The following CTSO variants were observed in gnomAD, a reference collection of about 807,000 sequenced individuals.
CTSO encodes cathepsin O.
Under a neutral mutation model 42.4 loss-of-function variants are expected in CTSO, and 40 were observed. The ratio of observed to expected loss-of-function variants is 0.94; its 90% CI spans 0.73 to 1.23. The LOEUF is 1.23. Ranked by LOEUF, CTSO falls within the 50% of genes most tolerant of loss-of-function variation. The pLI is 0.00. For missense variants in CTSO, 441 were observed against 396.0 expected, an observed-to-expected ratio of 1.11 and a Z score of -0.96; for synonymous variants, 156 against 146.2, an observed-to-expected ratio of 1.07 and a Z score of -0.48.
Position 155,953,229 on chromosome 4 carries a change from G to A in CTSO, c.135+484C>T, listed in dbSNP as rs148485484. Among the ~76,000 whole-genome samples, 55 of 152,090 alleles carry A rather than the reference G, an allele frequency of 3.6e-4. No individual in the cohort carries two copies. In the East Asian group the frequency reaches 8.5e-3, roughly 24 times the overall value. On this transcript the variant is annotated intron_variant, in intron 1 of 7. Coordinates refer to ENST00000433477, the MANE Select transcript of CTSO (RefSeq NM_001334.3). Reference sequence around the variant, plus strand: ...ATCAGGATTCTTTAATCTGGCTAAAGACAGGCTCTTTGTTTCTAACTTCTG... The same window carrying A: ...ATCAGGATTCTTTAATCTGGCTAAAAACAGGCTCTTTGTTTCTAACTTCTG...
intron 1 of CTSO, among the ~76,000 whole-genome samples, chr4:155,951,559 T>C (rs1305905013): frequency 6.6e-6 from 1 of 152,172 alleles, no homozygotes; most frequent in Non-Finnish European, 1.5e-5. Context: ...TTAACGTGCA[T>C]TCCTGGGAAA....
rs182355063 is a variant in CTSO at position 155,944,921 on chromosome 4, C to T, written c.136-1657G>A. On this transcript the variant is annotated intron_variant, in intron 1 of 7. Coordinates refer to ENST00000433477, the MANE Select transcript of CTSO (RefSeq NM_001334.3). ...CAGATAGCTCTACCTGGACCTCTCC[C>T]TATTAGTTCACAGGAATTGCTCCTG... 5.9e-4 allele frequency among the ~76,000 whole-genome samples: 87 copies of T among 147,806 alleles called. 1 individual carries two copies. Among genetic ancestry groups the T allele is most frequent in the African/African-American group, 2.0e-3 (80 of 40,382 alleles).
rs866795763 is a variant in CTSO, at chr4:155,953,759, G to T, written c.89C>A (p.Thr30Asn). Residue 30 changes from threonine (T) to asparagine (N), a missense_variant, in exon 1 of 8, where the codon ACC becomes AAC. Thr to Asn is a moderately conservative substitution (Grantham distance 65). Coordinates refer to ENST00000433477, the MANE Select transcript of CTSO (RefSeq NM_001334.3). ...GGDADSRAPF[T>N]PTWPRSRERE... Reference sequence around the variant, plus strand: ...CTCGCGGCTCCGCGGCCAGGTCGGGGTGAAGGGGGCGCGGGAGTCCGCATC... The same window carrying T: ...CTCGCGGCTCCGCGGCCAGGTCGGGTTGAAGGGGGCGCGGGAGTCCGCATC... The T allele has an allele frequency of 1.8e-4, 234 of 1,318,998 alleles. 1 individual carries two copies. In the Middle Eastern group the frequency reaches 2.8e-3, roughly 16 times the overall value. The allele number at this position is 1,318,998 out of a possible 1,614,324, so 81.7% of individuals were successfully genotyped here. A position where few individuals can be genotyped will look rare whatever the true frequency, so the allele number is the denominator to read the frequency against.
chr4:155,939,301 T>C, intron 4 of CTSO, 70 bp downstream of exon 4: 1 of 1,348,496 alleles, frequency 7.4e-7, no homozygotes, highest in South Asian at 1.6e-5. Context: ...ACAAACTGTT[T>C]GAATTTTGAA....
chr4:155,938,089 C>T (rs1392887474), intron 4 of CTSO, among the ~76,000 whole-genome samples: 1 of 152,124 alleles, frequency 6.6e-6, no homozygotes, highest in South Asian at 2.1e-4. Context: ...CCTGACGGTG[C>T]TATAGGGCAG....
intron 5 of CTSO, 120 bp downstream of exon 5, chr4:155,937,242 A>G: frequency 1.5e-6 from 1 of 649,032 alleles, no homozygotes. Flanking sequence ...CTTTCTAGTA[A>G]AAAGTATGTT....
intron 5 of CTSO, among the ~76,000 whole-genome samples, chr4:155,930,078 T>C (rs886811521): frequency 6.6e-6 from 1 of 152,222 alleles, no homozygotes; most frequent in Non-Finnish European, 1.5e-5. Flanking sequence ...CTTCCACATA[T>C]ATCTTCACGG....
At chr4:155,952,722 G>C (rs1743698648) in intron 1 of CTSO, among the ~76,000 whole-genome samples, 1 of 152,174 alleles carries the variant, frequency 6.6e-6, no homozygotes, top group South Asian at 2.1e-4. Context: ...CTTTCCAGGA[G>C]AGTCGGGGGA....
rs780130821 is a variant in CTSO at position 155,953,621 on chromosome 4, G to A, written c.135+92C>T. The A allele has an allele frequency of 9.8e-6, 12 of 1,218,640 alleles. No homozygotes were observed. The Admixed American group carries it at 3.4e-4, about 35-fold the overall frequency. 75.5% of individuals were successfully genotyped at this position (1,218,640 alleles called of 1,614,324 possible). ...CAGAGCCACGGGTGCCCACGAGCAG[G>A]GTCAGCTCTCGGGGGCCCTCTTCCG... On this transcript the variant is annotated intron_variant, in intron 1 of 7. Transcript: ENST00000433477.
Position 155,953,732 on chromosome 4 carries a change from C to A in CTSO, c.116G>T (p.Arg39Leu). ...FTPTWPRSRE[R>L]EAAAFRESLN... Reference sequence around the variant, plus strand: ...CGGTACCCGGAAGGCGGCGGCTTCACGCTCGCGGCTCCGCGGCCAGGTCGG... The same window carrying A: ...CGGTACCCGGAAGGCGGCGGCTTCAAGCTCGCGGCTCCGCGGCCAGGTCGG... The change falls in exon 1 of 8, where the codon CGT becomes CTT. Residue 39 changes from arginine to leucine, a missense_variant. Arg to Leu is a moderately radical substitution (Grantham distance 102). Transcript: ENST00000433477. 2 of 1,271,786 alleles carry A rather than the reference C, an allele frequency of 1.6e-6. No individual in the cohort carries two copies. Among genetic ancestry groups the A allele is most frequent in the East Asian group, 3.1e-5 (1 of 32,014 alleles). The allele number at this position is 1,271,786 out of a possible 1,614,324, so 78.8% of individuals were successfully genotyped here.
rs1225196333 is a variant in CTSO, at chr4:155,953,795, C to CGGCACAGCAGCCACAGCA, written c.35_52dup (p.Leu12_Cys17dup). The CGGCACAGCAGCCACAGCA allele has an allele frequency of 7.4e-7, 1 of 1,350,208 alleles. No individual in the cohort carries two copies. Among genetic ancestry groups the CGGCACAGCAGCCACAGCA allele is most frequent in the African/African-American group, 1.5e-5 (1 of 66,444 alleles). 83.6% of individuals were successfully genotyped at this position (1,350,208 alleles called of 1,614,324 possible). On this transcript the variant is annotated inframe_insertion, in exon 1 of 8. Coordinates refer to ENST00000433477, the MANE Select transcript of CTSO (RefSeq NM_001334.3). The stretch of plus-strand genomic sequence containing the variant: ...GCGGGAGTCCGCATCGCCGCCGCCC[C>CGGCACAGCAGCCACAGCA]GGCACAGCAGCCACAGCAGCCACGG...
At chr4:155,952,076 T>G (rs930372714) in intron 1 of CTSO, among the ~76,000 whole-genome samples, 2 of 152,150 alleles carry the variant, frequency 1.3e-5, no homozygotes, top group African/African-American at 4.8e-5. Flanking sequence ...CAATGTTCTC[T>G]TTTTTGGGTA....
chr4:155,928,201 C>CACT, intron 7 of CTSO, 135 bp downstream of exon 7: 2 of 377,678 alleles, frequency 5.3e-6, no homozygotes. Context: ...TTGCAAAACA[C>CACT]TTTTTTTTTT....
At position 155,924,152 on chromosome 4, in the gene CTSO, T is replaced by C. The variant is rs555085063; in HGVS notation, c.*1884A>G. ...AACCAAAGTCAAATGTAGGTTGTTT[T>C]ATTGTAAATGTCATCAAAATCCAGA... is the stretch of plus-strand genomic sequence containing the variant. On this transcript the variant is annotated 3_prime_UTR_variant, in exon 8 of 8. Coordinates refer to ENST00000433477, the MANE Select transcript of CTSO (RefSeq NM_001334.3). 1 of 152,366 alleles carries C rather than the reference T, an allele frequency of 6.6e-6. No individual in the cohort carries two copies. Among genetic ancestry groups the C allele is most frequent in the East Asian group, 1.9e-4 (1 of 5,188 alleles). 9.4% of individuals were successfully genotyped at this position (152,366 alleles called of 1,614,324 possible).
intron 3 of CTSO, among the ~76,000 whole-genome samples, chr4:155,940,246 G>A (rs900149282): frequency 6.6e-6 from 1 of 150,538 alleles, no homozygotes; most frequent in Non-Finnish European, 1.5e-5. Flanking sequence ...AACTAGTCCT[G>A]AAAGAAAGAG....
At chr4:155,953,615 G>A (rs892795375) in intron 1 of CTSO, 98 bp downstream of exon 1, 2 of 1,218,730 alleles carry the variant, frequency 1.6e-6, no homozygotes, top group Non-Finnish European at 2.0e-6. Flanking sequence ...GGGTGCCCAC[G>A]AGCAGGGTCA....
intron 1 of CTSO, among the ~76,000 whole-genome samples, chr4:155,943,964 C>G (rs555603876): frequency 6.6e-6 from 1 of 152,260 alleles, no homozygotes; most frequent in East Asian, 1.9e-4. Context: ...TAATACTAAC[C>G]AATTACATAG....
At chr4:155,935,630 A>G (rs1194073044) in intron 5 of CTSO, among the ~76,000 whole-genome samples, 1 of 151,750 alleles carries the variant, frequency 6.6e-6, no homozygotes, top group East Asian at 1.9e-4. Context: ...CACTGTTTTC[A>G]TTTGTTCTCT....
At chr4:155,948,560 A>G (rs1387727162) in intron 1 of CTSO, among the ~76,000 whole-genome samples, 1 of 152,234 alleles carries the variant, frequency 6.6e-6, no homozygotes, top group African/African-American at 2.4e-5. Flanking sequence ...GTAGTCATGA[A>G]ACATCCCAGC....
Sources: gnomAD v4.1 joint callset for allele counts (sites outside exome capture counted in the v4.1 genomes callset) on GRCh38, gnomAD v4.1.1 for gene constraint, MANE v1.5 for transcripts, NCBI Gene and HGNC (gene_info 2026-07-23, HGNC 2026-07-21) for gene names.